SOX6: variants seen among roughly 807,000 people sequenced by gnomAD.
SOX6 encodes the protein transcription factor SOX-6.
Under a neutral mutation model 97.8 loss-of-function variants are expected in SOX6, and 11 were observed. The observed-to-expected ratio is 0.11, with a 90% CI of 0.07 to 0.19. SOX6 has a LOEUF of 0.19. SOX6 is among the 10% of genes least tolerant of loss of function. SOX6 has a pLI of 1.00. For missense variants in SOX6, 810 were observed against 1,039.5 expected (o/e 0.78, Z 3.04); for synonymous variants, 360 against 371.4 (o/e 0.97, Z 0.35).
intron 4 of SOX6, 74 bp downstream of exon 4, chr11:16,234,508 A>G: frequency 2.3e-6 from 2 of 857,770 alleles, no homozygotes; most frequent in Non-Finnish European, 3.8e-6. Flanking sequence ...AGTACAGAAG[A>G]TCAGCAAATA....
At chr11:16,523,084 T>C (rs548313007) in intron 4 of SOX6, among the ~76,000 whole-genome samples, 201 of 152,000 alleles carry the variant, frequency 1.3e-3, no homozygotes, top group African/African-American at 4.7e-3. Flanking sequence ...ACACAAAAAG[T>C]TAACAAGGAT....
At chr11:16,516,829 G>A (rs1860982079) in intron 4 of SOX6, among the ~76,000 whole-genome samples, 1 of 151,446 alleles carries the variant, frequency 6.6e-6, no homozygotes, top group Non-Finnish European at 1.5e-5. Flanking sequence ...CTCATTTTAT[G>A]AGGACAGCAT....
chr11:16,640,572 T>C (rs1848893099), intron 3 of SOX6, among the ~76,000 whole-genome samples: 1 of 152,208 alleles, frequency 6.6e-6, no homozygotes, highest in Non-Finnish European at 1.5e-5. Context: ...CTATTAATTA[T>C]AGCCTCAATT....
At chr11:16,476,862 G>A (rs1413741981), upstream of SOX6, among the ~76,000 whole-genome samples, 2 of 152,176 alleles carry the variant, frequency 1.3e-5, no homozygotes, top group South Asian at 4.1e-4. Flanking sequence ...CCCATAAGAT[G>A]CTTAGGCTAT....
intron 2 of SOX6, among the ~76,000 whole-genome samples, chr11:16,340,618 G>A (rs922262423): frequency 6.6e-6 from 1 of 152,022 alleles, no homozygotes; most frequent in Non-Finnish European, 1.5e-5. Context: ...TTCAACATAT[G>A]ACCTCATTCA....
intron 3 of SOX6, among the ~76,000 whole-genome samples, chr11:16,636,427 C>A (rs1848790897): frequency 6.6e-6 from 1 of 152,190 alleles, no homozygotes; most frequent in Non-Finnish European, 1.5e-5. Context: ...ACCCTCATTG[C>A]ATCTAGGAAG....
chr11:16,117,787 C>T (rs1849389639), intron 6 of SOX6, among the ~76,000 whole-genome samples: 1 of 152,144 alleles, frequency 6.6e-6, no homozygotes, highest in African/African-American at 2.4e-5. Flanking sequence ...CTTTTCCCTA[C>T]CTTCCCATCA....
intron 6 of SOX6, among the ~76,000 whole-genome samples, chr11:16,133,193 AACAAATGGGGC>A (rs1849866778): frequency 6.6e-6 from 1 of 152,186 alleles, no homozygotes; most frequent in Non-Finnish European, 1.5e-5. Flanking sequence ...TGCTCTCCTA[AACAAATGGGGC>A]ACACCCCTTT....
intron 11 of SOX6, among the ~76,000 whole-genome samples, chr11:16,047,703 T>C (rs1393113019): frequency 5.1e-5 from 2 of 39,426 alleles, no homozygotes; most frequent in Non-Finnish European, 1.3e-4. Context: ...TTTCATAGCG[T>C]GTGTGTGTGT....
chr11:16,597,290 A>G (rs906916979), intron 4 of SOX6, among the ~76,000 whole-genome samples: 1 of 151,108 alleles, frequency 6.6e-6, no homozygotes, highest in Non-Finnish European at 1.5e-5. Context: ...GAACTGTTCT[A>G]CCCACTTATA....
At chr11:16,296,179 GT>G (rs1487310238) in intron 3 of SOX6, among the ~76,000 whole-genome samples, 1 of 151,992 alleles carries the variant, frequency 6.6e-6, no homozygotes, top group Non-Finnish European at 1.5e-5. Context: ...CTTAATGTCT[GT>G]TTCATAATTC....
At chr11:16,474,232 G>A (rs181013944) in intron 1 of SOX6, among the ~76,000 whole-genome samples, 3 of 152,102 alleles carry the variant, frequency 2.0e-5, no homozygotes, top group African/African-American at 7.2e-5. Flanking sequence ...TCATCCATGA[G>A]GGTTGAAATA....
At chr11:16,574,035 A>G (rs1235719517) in intron 4 of SOX6, among the ~76,000 whole-genome samples, 1 of 152,184 alleles carries the variant, frequency 6.6e-6, no homozygotes, top group Non-Finnish European at 1.5e-5. Flanking sequence ...GAAAGATTCT[A>G]TGTTATCAAA....
intron 2 of SOX6, among the ~76,000 whole-genome samples, chr11:16,722,455 C>T (rs1848274544): frequency 6.6e-6 from 1 of 152,110 alleles, no homozygotes; most frequent in Non-Finnish European, 1.5e-5. Flanking sequence ...AGTTCAAGAC[C>T]AGCCTGGCCA....
chr11:16,402,207 A>G (rs1199070678), intron 1 of SOX6, among the ~76,000 whole-genome samples: 1 of 151,636 alleles, frequency 6.6e-6, no homozygotes. Flanking sequence ...TAAATTTGTG[A>G]CATTTTCTTA....
Position 15,972,729 on chromosome 11 carries a change from G to A in SOX6, c.*80C>T. 7.0e-7 allele frequency: 1 copy of A among 1,431,402 alleles called. No individual in the cohort carries two copies. The highest frequency in any genetic ancestry group is 1.1e-5 in the South Asian group (1 of 87,224). The allele number at this position is 1,431,402 out of a possible 1,614,324, so 88.7% of individuals were successfully genotyped here. ...CTGATGTAATTGTGGAGCCACAAAT[G>A]CATGCGGGCTCTTTAATAACTCTTT... On this transcript the variant is annotated 3_prime_UTR_variant, in exon 16 of 16. Coordinates refer to ENST00000683767, the MANE Select transcript of SOX6 (RefSeq NM_001367873.1).
At chr11:16,315,766 TTAA>T (rs1469895261) in intron 3 of SOX6, 1 of 152,192 alleles carries the variant, frequency 6.6e-6, no homozygotes, top group Admixed American at 6.6e-5. Flanking sequence ...ACTTGAATCT[TTAA>T]AGACACCATC....
At chr11:16,690,243 G>GT (rs1299047195) in intron 3 of SOX6, among the ~76,000 whole-genome samples, 1 of 152,120 alleles carries the variant, frequency 6.6e-6, no homozygotes, top group Non-Finnish European at 1.5e-5. Context: ...TGCATGAAGT[G>GT]TTTTTATCTT....
At chr11:16,087,455 C>T (rs750750972) in intron 9 of SOX6, among the ~76,000 whole-genome samples, 2 of 152,092 alleles carry the variant, frequency 1.3e-5, no homozygotes, top group African/African-American at 4.8e-5. Flanking sequence ...TTCATATTTA[C>T]TTCACTGTGA....
Sources: allele counts gnomAD v4.1 joint callset (sites outside exome capture counted in the v4.1 genomes callset), GRCh38; gene constraint gnomAD v4.1.1; transcripts MANE v1.5; gene names NCBI Gene and HGNC (gene_info 2026-07-23, HGNC 2026-07-21).